The following TLE5 variants were observed in gnomAD, a reference collection of about 807,000 sequenced individuals.
TLE5 encodes TLE family member 5.
Under a neutral mutation model 25.8 loss-of-function variants are expected in TLE5, and 7 were observed. The observed-to-expected ratio is 0.27, with a 90% confidence interval of 0.15 to 0.51. The LOEUF (loss-of-function observed/expected upper bound fraction) is 0.51. Ranked by LOEUF, TLE5 falls within the 20% of genes least tolerant of loss-of-function variation. TLE5 has a pLI of 0.97. For synonymous variants in TLE5, 132 were observed against 110.5 expected (o/e 1.20, Z -1.22); for missense variants, 149 against 250.7 (o/e 0.59, Z 2.74).
Position 3,054,099 on chromosome 19 carries a change from CGCCCAGGT to C in TLE5, c.372+13_372+20del. ...GGGGCCCACCTGTCCCCCGCCCACCCGCCCAGGTCCCCATACATACTCGGATGATAGAG... is the reference window on the plus strand; with the variant it reads ...GGGGCCCACCTGTCCCCCGCCCACCCCCCCATACATACTCGGATGATAGAG... On this transcript the variant is annotated intron_variant, in intron 6 of 6. Transcript: ENST00000327141. The C allele has an allele frequency of 6.5e-7, 1 of 1,548,272 alleles. No individual in the cohort carries two copies. Among genetic ancestry groups the C allele is most frequent in the Admixed American group, 1.9e-5 (1 of 52,978 alleles).
At chr19:3,059,650 T>C (rs1390958809) in intron 2 of TLE5, among the ~76,000 whole-genome samples, 1 of 152,170 alleles carries the variant, frequency 6.6e-6, no homozygotes, top group African/African-American at 2.4e-5. Flanking sequence ...GCCTCTGATA[T>C]GGTAGGGTCC....
upstream of TLE5, chr19:3,062,525 G>C (rs2090281245): frequency 1.5e-6 from 1 of 662,404 alleles, no homozygotes; most frequent in South Asian, 6.6e-5. Flanking sequence ...CGGAGGCTTC[G>C]GCTCCACCTG....
At chr19:3,054,086 T>TCCGGGGCCCCCCC in intron 6 of TLE5, 34 bp downstream of exon 6, 1 of 1,512,818 alleles carries the variant, frequency 6.6e-7, no homozygotes, top group Non-Finnish European at 8.9e-7. Context: ...GGCCCACCTG[T>TCCGGGGCCCCCCC]CCCCCGCCCA....
At chr19:3,060,554 AC>A (rs1268555009) in intron 2 of TLE5, among the ~76,000 whole-genome samples, 1 of 151,070 alleles carries the variant, frequency 6.6e-6, no homozygotes, top group Non-Finnish European at 1.5e-5. Context: ...CTGGTCTCGA[AC>A]TCCTGACCTC....
At chr19:3,055,529 A>G in intron 5 of TLE5, 135 bp downstream of exon 5, 1 of 680,506 alleles carries the variant, frequency 1.5e-6, no homozygotes, top group Admixed American at 3.2e-5. Flanking sequence ...TCTGGTGTTC[A>G]GAGCCAGGGA....
intron 2 of TLE5, among the ~76,000 whole-genome samples, chr19:3,059,343 G>A (rs958245610): frequency 4.6e-5 from 7 of 152,010 alleles, no homozygotes; most frequent in Admixed American, 2.6e-4. Flanking sequence ...CCAACATAAC[G>A]AAAGCCCGTC....
At chr19:3,055,570 G>A in intron 5 of TLE5, 94 bp downstream of exon 5, 1 of 1,182,906 alleles carries the variant, frequency 8.5e-7, no homozygotes, top group African/African-American at 1.6e-5. Flanking sequence ...GTGCCCTGGG[G>A]CGCCCAGCAC....
intron 5 of TLE5, 115 bp from the exon 6 acceptor site, chr19:3,054,309 GCTC>G: frequency 2.1e-6 from 2 of 974,376 alleles, no homozygotes; most frequent in Non-Finnish European, 3.2e-6. Flanking sequence ...CATCATGTCT[GCTC>G]CTCCCAGTGG....
intron 2 of TLE5, among the ~76,000 whole-genome samples, chr19:3,058,261 G>A (rs548501865): frequency 3.5e-4 from 54 of 152,218 alleles, no homozygotes; most frequent in Non-Finnish European, 7.2e-4. Context: ...AGCTCTGAGA[G>A]TCTCACGAGC....
Position 3,053,732 on chromosome 19 carries a change from G to C in TLE5, c.*87C>G. On this transcript the variant is annotated 3_prime_UTR_variant, in exon 7 of 7. Transcript: ENST00000327141. ...GGGAGTTTAGCCAATCCCGAGCTCC[G>C]CTGTGTCTTGTGCTAAACATTCCTT... The C allele has an allele frequency of 7.0e-7, 1 of 1,434,456 alleles. No individual in the cohort carries two copies. Among genetic ancestry groups the C allele is most frequent in the Non-Finnish European group, 9.5e-7 (1 of 1,056,636 alleles). 88.9% of individuals were successfully genotyped at this position (1,434,456 alleles called of 1,614,324 possible).
At chr19:3,054,854 T>C (rs2090203938) in intron 5 of TLE5, 1 of 153,122 alleles carries the variant, frequency 6.5e-6, no homozygotes, top group Non-Finnish European at 1.5e-5. Context: ...GGGCTTTCAT[T>C]GGGTCCTGCT....
chr19:3,056,098 A>C, intron 4 of TLE5: 1 of 517,914 alleles, frequency 1.9e-6, no homozygotes, highest in South Asian at 2.7e-5. Context: ...CCACCGGGAG[A>C]AACACTCCCA....
At chr19:3,059,739 C>A (rs889607602) in intron 2 of TLE5, among the ~76,000 whole-genome samples, 4 of 152,162 alleles carry the variant, frequency 2.6e-5, no homozygotes, top group Non-Finnish European at 5.9e-5. Context: ...TAGCAGAGGT[C>A]ACACAGCACT....
chr19:3,062,471 G>T lies in TLE5; in HGVS notation c.-271C>A. The T allele has an allele frequency of 1.6e-6, 1 of 622,934 alleles. No homozygotes were observed. Among genetic ancestry groups the T allele is most frequent in the Non-Finnish European group, 2.0e-6 (1 of 503,280 alleles). 38.6% of individuals were successfully genotyped at this position (622,934 alleles called of 1,614,324 possible). On this transcript the variant is annotated 5_prime_UTR_variant, in exon 1 of 7. Coordinates refer to ENST00000327141, the MANE Select transcript of TLE5 (RefSeq NM_001130.6). Reference sequence around the variant, plus strand: ...CCCGCTCCCCGGCCCCACCGCTATTGTCTAATGGCGGCGACGCCGGCAGTG... The same window carrying T: ...CCCGCTCCCCGGCCCCACCGCTATTTTCTAATGGCGGCGACGCCGGCAGTG...
chr19:3,055,465 A>G, intron 5 of TLE5, 199 bp downstream of exon 5: 1 of 402,506 alleles, frequency 2.5e-6, no homozygotes, highest in Non-Finnish European at 4.4e-6. Flanking sequence ...CGCCCCCCAC[A>G]CGCCTGCACC....
At chr19:3,054,086 T>TCGGGGGGGGGGGGGG in intron 6 of TLE5, 34 bp downstream of exon 6, 2 of 1,512,804 alleles carry the variant, frequency 1.3e-6, no homozygotes, top group Non-Finnish European at 1.8e-6. Context: ...GGCCCACCTG[T>TCGGGGGGGGGGGGGG]CCCCCGCCCA....
At position 3,060,521 on chromosome 19, in the gene TLE5, G is replaced by A. The variant is rs139705972; in HGVS notation, c.125+639C>T. Among the ~76,000 whole-genome samples the A allele has an allele frequency of 7.1e-3, 1,075 of 151,684 alleles. 38 individuals carry two copies. The highest frequency in any genetic ancestry group is 0.062 in the Admixed American group (939 of 15,200). On this transcript the variant is annotated intron_variant, in intron 2 of 6. Coordinates refer to ENST00000327141, the MANE Select transcript of TLE5 (RefSeq NM_001130.6). ...CTAACTATGTATTTTTGGTAGAGAC[G>A]GGGTTTCACCATGTTGGCCAGGCTG...
intron 2 of TLE5, among the ~76,000 whole-genome samples, chr19:3,060,678 C>T (rs1312480679): frequency 3.3e-5 from 5 of 152,036 alleles, no homozygotes; most frequent in Non-Finnish European, 7.4e-5. Context: ...AGTTCCTTCC[C>T]CTTAGATACC....
chr19:3,058,142 G>A lies in TLE5; in HGVS notation c.126-400C>T, dbSNP rs1206473871. Among the ~76,000 whole-genome samples, 7 of 152,172 alleles carry A rather than the reference G, an allele frequency of 4.6e-5. No individual in the cohort carries two copies. In the East Asian group the frequency reaches 1.4e-3, roughly 29 times the overall value. ...GGGGAGAGCATCAGGGCCCCTGACT[G>A]TAAGAAGGGGGTGATGAAACCACCC... On this transcript the variant is annotated intron_variant, in intron 2 of 6. Transcript: ENST00000327141.
Sources: allele counts gnomAD v4.1 joint callset (sites outside exome capture counted in the v4.1 genomes callset), GRCh38; gene constraint gnomAD v4.1.1; transcripts MANE v1.5; gene names NCBI Gene and HGNC (gene_info 2026-07-23, HGNC 2026-07-21).